The following ADAMTSL1 variants were observed in gnomAD, a reference collection of about 807,000 sequenced individuals.
The protein encoded by ADAMTSL1 is ADAMTS like 1.
ADAMTSL1 carries 126 observed loss-of-function variants against 201.8 expected under a neutral mutation model. The ratio of observed to expected loss-of-function variants is 0.62; its 90% CI spans 0.54 to 0.72. The LOEUF is 0.72. ADAMTSL1 is among the 30% of genes least tolerant of loss of function. The probability of loss-of-function intolerance (pLI) is 0.00; values close to 1 mark genes in which losing one functional copy is unlikely to be tolerated. For synonymous variants in ADAMTSL1, 1,121 were observed against 903.4 expected (o/e 1.24, Z -4.32); for missense variants, 2,679 against 2,277.8 (o/e 1.18, Z -3.59).
chr9:18,746,437 G>T (rs1435804641), intron 15 of ADAMTSL1, among the ~76,000 whole-genome samples: 1 of 152,154 alleles, frequency 6.6e-6, no homozygotes, highest in South Asian at 2.1e-4. Flanking sequence ...TGGAAGACAA[G>T]AAAATCACAG....
At position 18,504,809 on chromosome 9, in the gene ADAMTSL1, C is replaced by T; in HGVS notation, c.64-20C>T. On this transcript the variant is annotated intron_variant, in intron 1 of 28. Transcript: ENST00000380548. ...GTTCCATGGGGGATATGATGCTGACCATTCTTTTGTTTCTCACAGAGTTCC... is the reference window on the plus strand; with the variant it reads ...GTTCCATGGGGGATATGATGCTGACTATTCTTTTGTTTCTCACAGAGTTCC... The T allele has an allele frequency of 2.5e-6, 4 of 1,614,134 alleles. No homozygotes were observed. The highest frequency in any genetic ancestry group is 3.4e-6 in the Non-Finnish European group (4 of 1,180,010).
At chr9:18,006,295 T>G (rs1343396432) in intron 1 of ADAMTSL1, among the ~76,000 whole-genome samples, 1 of 152,010 alleles carries the variant, frequency 6.6e-6, no homozygotes, top group Non-Finnish European at 1.5e-5. Flanking sequence ...TTTTGAGTAC[T>G]TATTACCTTT....
At position 18,743,528 on chromosome 9, in the gene ADAMTSL1, G is replaced by A. The variant is rs139306445; in HGVS notation, c.2007-9770G>A. Among the ~76,000 whole-genome samples the A allele has an allele frequency of 7.7e-3, 1,164 of 152,070 alleles. 21 individuals carry two copies. Among genetic ancestry groups the A allele is most frequent in the African/African-American group, 0.026 (1,083 of 41,476 alleles). ...GACTTAGAAGGTGTGGCAAATTGGC[G>A]TGGCCAAACTGTTTTCAAGCAGAAA... On this transcript the variant is annotated intron_variant, in intron 15 of 28. Coordinates refer to ENST00000380548, the MANE Select transcript of ADAMTSL1 (RefSeq NM_001040272.6).
At chr9:18,507,344 G>A (rs1014007333) in intron 2 of ADAMTSL1, among the ~76,000 whole-genome samples, 6 of 152,170 alleles carry the variant, frequency 3.9e-5, no homozygotes, top group Admixed American at 3.3e-4. Context: ...CTAAGACTGA[G>A]TTAATCCCTT....
chr9:18,703,710 A>ATATATATATATATG (rs1554733936), intron 13 of ADAMTSL1, among the ~76,000 whole-genome samples: 3 of 77,414 alleles, frequency 3.9e-5, no homozygotes, highest in Non-Finnish European at 8.6e-5. Flanking sequence ...ACATATATAT[A>ATATATATATATATG]TATATATATA....
intron 1 of ADAMTSL1, among the ~76,000 whole-genome samples, chr9:18,126,330 A>T (rs922732891): frequency 9.9e-5 from 15 of 152,028 alleles, no homozygotes; most frequent in Non-Finnish European, 2.2e-4. Context: ...CACTATTCCC[A>T]TTTCTCTTCC....
At chr9:18,361,551 A>G (rs1189318153) in intron 2 of ADAMTSL1, among the ~76,000 whole-genome samples, 1 of 152,188 alleles carries the variant, frequency 6.6e-6, no homozygotes. Context: ...GCCTTAAAGC[A>G]AACAATAGGG....
intron 1 of ADAMTSL1, among the ~76,000 whole-genome samples, chr9:17,965,268 A>G (rs1451238346): frequency 6.6e-6 from 1 of 152,174 alleles, no homozygotes; most frequent in Non-Finnish European, 1.5e-5. Flanking sequence ...TACCAGAATA[A>G]AAGCAAAACA....
chr9:18,668,010 A>G (rs1232797797), intron 9 of ADAMTSL1, among the ~76,000 whole-genome samples: 1 of 152,198 alleles, frequency 6.6e-6, no homozygotes, highest in Non-Finnish European at 1.5e-5. Context: ...TTTAATTTAC[A>G]TGGGACTTAG....
At chr9:18,264,163 T>A (rs1203417787) in intron 2 of ADAMTSL1, among the ~76,000 whole-genome samples, 1 of 152,182 alleles carries the variant, frequency 6.6e-6, no homozygotes, top group Non-Finnish European at 1.5e-5. Flanking sequence ...TCCCTCTTAA[T>A]GACCTACTCA....
intron 20 of ADAMTSL1, among the ~76,000 whole-genome samples, chr9:18,808,642 C>T (rs1823307069): frequency 6.6e-6 from 1 of 152,186 alleles, no homozygotes; most frequent in South Asian, 2.1e-4. Flanking sequence ...GCTCTCTGGT[C>T]CCTAACCTCA....
intron 2 of ADAMTSL1, among the ~76,000 whole-genome samples, chr9:18,391,059 A>G (rs1309083714): frequency 6.6e-6 from 1 of 152,172 alleles, no homozygotes; most frequent in Admixed American, 6.5e-5. Context: ...CTTGGCAGTC[A>G]TGAGTGAGAG....
chr9:17,945,446 C>T (rs1255465692), intron 1 of ADAMTSL1, among the ~76,000 whole-genome samples: 4 of 148,158 alleles, frequency 2.7e-5, no homozygotes, highest in African/African-American at 1.0e-4. Context: ...TACCATTTGA[C>T]CCAGCCATCC....
At chr9:18,328,929 T>A (rs1405280783) in intron 2 of ADAMTSL1, among the ~76,000 whole-genome samples, 1 of 152,166 alleles carries the variant, frequency 6.6e-6, no homozygotes, top group African/African-American at 2.4e-5. Context: ...AGCCACAGTT[T>A]ACATTTTAGC....
At chr9:18,707,908 C>G (rs1404202341) in intron 14 of ADAMTSL1, among the ~76,000 whole-genome samples, 2 of 152,196 alleles carry the variant, frequency 1.3e-5, no homozygotes, top group African/African-American at 2.4e-5. Flanking sequence ...ACAACTGATT[C>G]TTCAAGATTA....
In ADAMTSL1 at chr9:17,922,837, G is replaced by A. The variant is rs138319853; in HGVS notation, c.87+15915G>A. On this transcript the variant is annotated intron_variant, in intron 1 of 29. Coordinates refer to the ADAMTSL1 transcript ENST00000680146. ...GTCTTTATTTGTAGTAACTGCAGTT[G>A]TTTATAAGTGGTTTTCAGATGTTTA... Among the ~76,000 whole-genome samples the A allele has an allele frequency of 2.8e-3, 426 of 152,258 alleles. 3 individuals are homozygous for A. The highest frequency in any genetic ancestry group is 9.8e-3 in the African/African-American group (408 of 41,564).
chr9:18,071,695 A>G (rs1392398333), intron 1 of ADAMTSL1, among the ~76,000 whole-genome samples: 1 of 152,168 alleles, frequency 6.6e-6, no homozygotes, highest in Non-Finnish European at 1.5e-5. Context: ...CTCTATAGAG[A>G]TTTCTCTGTA....
chr9:17,990,383 T>C (rs1459193250), intron 1 of ADAMTSL1, among the ~76,000 whole-genome samples: 1 of 152,054 alleles, frequency 6.6e-6, no homozygotes, highest in African/African-American at 2.4e-5. Flanking sequence ...TTTGGACTCC[T>C]TTCATTTTGT....
intron 2 of ADAMTSL1, among the ~76,000 whole-genome samples, chr9:18,342,345 G>A (rs778534618): frequency 7.2e-5 from 11 of 152,030 alleles, no homozygotes; most frequent in Non-Finnish European, 1.3e-4. Flanking sequence ...TGGCTTTTAT[G>A]TTGGTTAGTA....
Sources: gnomAD v4.1 joint callset for allele counts (sites outside exome capture counted in the v4.1 genomes callset) on GRCh38, gnomAD v4.1.1 for gene constraint, MANE v1.5 for transcripts, NCBI Gene and HGNC (gene_info 2026-07-23, HGNC 2026-07-21) for gene names.